The following B3GALT1 variants were observed in gnomAD, a reference collection of about 807,000 sequenced individuals.
B3GALT1 encodes beta-1,3-galactosyltransferase 1.
Under a neutral mutation model 23.2 loss-of-function variants are expected in B3GALT1, and 10 were observed. The ratio of observed to expected loss-of-function variants is 0.43; its 90% CI spans 0.27 to 0.73. The LOEUF is 0.73. Among genes scored for constraint, B3GALT1 ranks in the 30% least tolerant of loss-of-function variants. The probability of loss-of-function intolerance (pLI) is 0.21; values close to 1 mark genes in which losing one functional copy is unlikely to be tolerated. For missense variants in B3GALT1, 299 were observed against 405.4 expected (o/e 0.74, Z 2.25); for synonymous variants, 156 against 141.5 (o/e 1.10, Z -0.73).
chr2:167,777,652 C>G (rs1017784823), intron 3 of B3GALT1, among the ~76,000 whole-genome samples: 1 of 152,090 alleles, frequency 6.6e-6, no homozygotes, highest in South Asian at 2.1e-4. Flanking sequence ...CTGGCCAAAA[C>G]CTATTATATT....
intron 2 of B3GALT1, among the ~76,000 whole-genome samples, chr2:167,539,078 A>G (rs1683486911): frequency 6.6e-6 from 1 of 152,156 alleles, no homozygotes; most frequent in African/African-American, 2.4e-5. Context: ...ACTATTTGTT[A>G]ATTGTTAATC....
chr2:167,512,650 A>AT (rs1351913159), intron 2 of B3GALT1, among the ~76,000 whole-genome samples: 1 of 119,628 alleles, frequency 8.4e-6, no homozygotes, highest in East Asian at 2.9e-4. Flanking sequence ...ATATATATAT[A>AT]TTTTGAGATA....
chr2:167,683,042 G>T (rs1028313887), intron 3 of B3GALT1, among the ~76,000 whole-genome samples: 4 of 152,110 alleles, frequency 2.6e-5, no homozygotes, highest in African/African-American at 9.7e-5. Flanking sequence ...TTACTATTAT[G>T]ATTTATTATG....
In B3GALT1 at chr2:167,873,190, T is replaced by C. The variant is rs1245228949; in HGVS notation, c.*3170T>C. On this transcript the variant is annotated 3_prime_UTR_variant, in exon 5 of 5. Coordinates refer to ENST00000392690, the MANE Select transcript of B3GALT1 (RefSeq NM_020981.4). ...AAAACTCTTTTTTTCCATTATGCAC[T>C]GGATAATAACAGTATCAGTGTCTAT... 6.6e-6 allele frequency: 1 copy of C among 152,212 alleles called. No homozygotes were observed. Among genetic ancestry groups the C allele is most frequent in the Non-Finnish European group, 1.5e-5 (1 of 68,046 alleles). 9.4% of individuals were successfully genotyped at this position (152,212 alleles called of 1,614,324 possible).
Position 167,869,252 on chromosome 2 carries a change from T to A in B3GALT1, c.213T>A (p.Asn71Lys). Residue 71 changes from asparagine to lysine, a missense_variant, in exon 5 of 5, where the codon AAT (asparagine) becomes AAA (lysine). Transcript: ENST00000392690. The surrounding 1 kb of genome is among the most constrained non-coding windows in gnomAD (Gnocchi z 6.4). ...HSFEFLINEP[N>K]KCEKNIPFLV... The stretch of plus-strand genomic sequence containing the variant: ...TTGAATTTCTTATCAACGAGCCCAA[T>A]AAATGTGAGAAAAACATTCCTTTTC... 1 of 1,614,176 alleles carries A rather than the reference T, an allele frequency of 6.2e-7. No homozygotes were observed. Among genetic ancestry groups the A allele is most frequent in the Non-Finnish European group, 8.5e-7 (1 of 1,180,016 alleles).
chr2:167,785,563 A>G (rs1304550786), intron 3 of B3GALT1, among the ~76,000 whole-genome samples: 1 of 152,148 alleles, frequency 6.6e-6, no homozygotes, highest in African/African-American at 2.4e-5. Context: ...GAACAGTATA[A>G]TTTTCAGTGA....
At chr2:167,447,907 G>A (rs1699026191) in intron 1 of B3GALT1, among the ~76,000 whole-genome samples, 1 of 152,082 alleles carries the variant, frequency 6.6e-6, no homozygotes, top group Non-Finnish European at 1.5e-5. Flanking sequence ...ACCTCAGTTG[G>A]AAATGCCGAA....
At chr2:167,473,059 A>G (rs943821409) in intron 1 of B3GALT1, among the ~76,000 whole-genome samples, 1 of 152,122 alleles carries the variant, frequency 6.6e-6, no homozygotes, top group Non-Finnish European at 1.5e-5. Flanking sequence ...GTATTCAGAA[A>G]TCTGCAGTGA....
At chr2:167,699,016 G>C (rs1004872999) in intron 3 of B3GALT1, among the ~76,000 whole-genome samples, 1 of 152,054 alleles carries the variant, frequency 6.6e-6, no homozygotes, top group African/African-American at 2.4e-5. Flanking sequence ...GATCTTAAAA[G>C]AAAACAGTTT....
intron 2 of B3GALT1, among the ~76,000 whole-genome samples, chr2:167,634,514 G>T (rs151204571): frequency 2.6e-4 from 40 of 151,954 alleles, no homozygotes; most frequent in Non-Finnish European, 4.7e-4. Flanking sequence ...ATGATAAAAG[G>T]GATATCACAA....
chr2:167,560,423 T>G lies in B3GALT1; in HGVS notation c.-410+70146T>G, dbSNP rs574940738. 3.3e-5 allele frequency among the ~76,000 whole-genome samples: 5 copies of G among 150,534 alleles called. No homozygotes were observed. In the East Asian group the frequency reaches 6.0e-4, roughly 18 times the overall value. On this transcript the variant is annotated intron_variant, in intron 2 of 4. Transcript: ENST00000392690. ...TAACAAGCAAAATAACCAGCTAACATCATAATGACAGGATCAGATTCACAC... is the reference window on the plus strand; with the variant it reads ...TAACAAGCAAAATAACCAGCTAACAGCATAATGACAGGATCAGATTCACAC...
intron 1 of B3GALT1, among the ~76,000 whole-genome samples, chr2:167,480,677 C>T (rs1699553252): frequency 6.6e-6 from 1 of 152,166 alleles, no homozygotes; most frequent in South Asian, 2.1e-4. Context: ...CCCAGAGCTG[C>T]CTTGCTGACA....
At chr2:167,413,746 T>G (rs2105297243) in intron 1 of B3GALT1, among the ~76,000 whole-genome samples, 1 of 152,136 alleles carries the variant, frequency 6.6e-6, no homozygotes, top group Non-Finnish European at 1.5e-5. Context: ...TGTCTTTTGG[T>G]TTATGTCGTT....
intron 4 of B3GALT1, among the ~76,000 whole-genome samples, chr2:167,835,596 TG>T (rs1358321237): frequency 1.3e-5 from 2 of 152,218 alleles, no homozygotes; most frequent in Non-Finnish European, 2.9e-5. Flanking sequence ...GCTCCACCTC[TG>T]GGGGCAGGGC....
intron 1 of B3GALT1, among the ~76,000 whole-genome samples, chr2:167,325,946 G>A (rs1410900831): frequency 6.6e-6 from 1 of 151,838 alleles, no homozygotes; most frequent in Non-Finnish European, 1.5e-5. Context: ...TTGAGCTCCT[G>A]ACCTTGTGGT....
At chr2:167,644,956 G>C (rs1685720514) in intron 2 of B3GALT1, among the ~76,000 whole-genome samples, 1 of 151,934 alleles carries the variant, frequency 6.6e-6, no homozygotes, top group East Asian at 1.9e-4. Context: ...GTGCTTAATT[G>C]CAACTGAATA....
chr2:167,303,563 C>G (rs1285696973), intron 1 of B3GALT1, among the ~76,000 whole-genome samples: 1 of 151,692 alleles, frequency 6.6e-6, no homozygotes, highest in Non-Finnish European at 1.5e-5. Flanking sequence ...CTGAAGGAAG[C>G]AGAAAGGTAG....
At chr2:167,568,228 T>A (rs1684211761) in intron 2 of B3GALT1, among the ~76,000 whole-genome samples, 1 of 152,108 alleles carries the variant, frequency 6.6e-6, no homozygotes, top group African/African-American at 2.4e-5. Flanking sequence ...TTTTGAGTAA[T>A]TACCAATGAG....
chr2:167,509,204 C>T (rs1201128378), intron 2 of B3GALT1, among the ~76,000 whole-genome samples: 1 of 152,040 alleles, frequency 6.6e-6, no homozygotes, highest in Non-Finnish European at 1.5e-5. Flanking sequence ...AGAAATGAGC[C>T]AAGTCATAAG....
Sources: allele counts gnomAD v4.1 joint callset (sites outside exome capture counted in the v4.1 genomes callset), GRCh38; gene constraint gnomAD v4.1.1; non-coding constraint Gnocchi (gnomAD v3.1); transcripts MANE v1.5; gene names NCBI Gene and HGNC (gene_info 2026-07-23, HGNC 2026-07-21).